The following ASTN2 variants were observed in gnomAD, a reference collection of about 807,000 sequenced individuals.
ASTN2 encodes the protein astrotactin 2.
A neutral mutation model predicts 139.8 loss-of-function variants in ASTN2; 54 were observed. The observed-to-expected ratio is 0.39, with a 90% CI of 0.31 to 0.48. ASTN2 has a LOEUF of 0.48. Ranked by LOEUF, ASTN2 falls within the 20% of genes least tolerant of loss-of-function variation. The pLI, the probability that ASTN2 is intolerant of heterozygous loss-of-function variation, is 0.95. For missense variants in ASTN2, 1,565 were observed against 1,725.1 expected (o/e 0.91, Z 1.64); for synonymous variants, 756 against 719.5 (o/e 1.05, Z -0.81).
chr9:117,274,279 G>A (rs1834133484), intron 2 of ASTN2, among the ~76,000 whole-genome samples: 1 of 152,198 alleles, frequency 6.6e-6, no homozygotes, highest in Admixed American at 6.5e-5. Flanking sequence ...GACTCTGGGA[G>A]GTAGAGGTTG....
chr9:116,637,521 C>T (rs544078898), intron 17 of ASTN2, among the ~76,000 whole-genome samples: 1 of 152,320 alleles, frequency 6.6e-6, no homozygotes, highest in South Asian at 2.1e-4. Context: ...AAACCCTCAT[C>T]TCTCGCTTTC....
rs1205590277 is a variant in ASTN2 at position 117,117,980 on chromosome 9, A to T, written c.1169-21829T>A. ...TTTTGAAAATCACCGTTATATTAAA[A>T]AAATAAATAAATAAATCCTGACCTC... is the stretch of plus-strand genomic sequence containing the variant. On this transcript the variant is annotated intron_variant, in intron 4 of 22. Transcript: ENST00000313400. Among the ~76,000 whole-genome samples the T allele has an allele frequency of 2.6e-5, 4 of 152,150 alleles. No homozygotes were observed. The South Asian group carries it at 6.2e-4, about 24-fold the overall frequency.
rs374875189 is a variant in ASTN2 at position 117,341,850 on chromosome 9, C to A, written c.443-50337G>T. On this transcript the variant is annotated intron_variant, in intron 1 of 22. Coordinates refer to ENST00000313400, the MANE Select transcript of ASTN2 (RefSeq NM_001365068.1). ...CTTGTTTCTGCAAAATACCAGCACA[C>A]ACTGTGTGCCATATACACTCAATTC... Among the ~76,000 whole-genome samples the A allele has an allele frequency of 3.3e-5, 5 of 152,266 alleles. No homozygotes were observed. The East Asian group carries it at 7.7e-4, about 24-fold the overall frequency.
intron 22 of ASTN2, among the ~76,000 whole-genome samples, chr9:116,427,559 C>A (rs1218058593): frequency 6.6e-6 from 1 of 152,250 alleles, no homozygotes; most frequent in Admixed American, 6.5e-5. Flanking sequence ...GTTCTCTCTC[C>A]TGCTGTCCTC....
intron 5 of ASTN2, among the ~76,000 whole-genome samples, chr9:117,049,455 G>A (rs537751197): frequency 2.0e-5 from 3 of 152,196 alleles, no homozygotes; most frequent in South Asian, 2.1e-4. Context: ...AACAAGGTAC[G>A]GAAAAAACGA....
intron 4 of ASTN2, among the ~76,000 whole-genome samples, chr9:117,111,388 A>G (rs1215110014): frequency 6.6e-6 from 1 of 152,152 alleles, no homozygotes; most frequent in Non-Finnish European, 1.5e-5. Flanking sequence ...AACTATATCT[A>G]CAAATATATG....
At chr9:116,519,591 C>T (rs1850785831) in intron 19 of ASTN2, among the ~76,000 whole-genome samples, 2 of 151,944 alleles carry the variant, frequency 1.3e-5, no homozygotes, top group South Asian at 2.1e-4. Context: ...AAGACCACAC[C>T]TCATGGAACT....
chr9:116,803,810 C>T (rs1219290777), intron 13 of ASTN2, among the ~76,000 whole-genome samples: 1 of 151,224 alleles, frequency 6.6e-6, no homozygotes, highest in African/African-American at 2.4e-5. Context: ...AGGTGTGAGC[C>T]ACCACACCCA....
intron 3 of ASTN2, among the ~76,000 whole-genome samples, chr9:117,161,229 A>G (rs1239687620): frequency 6.6e-6 from 1 of 151,962 alleles, no homozygotes; most frequent in East Asian, 1.9e-4. Flanking sequence ...GCATTCTCTT[A>G]CCATGTTGTT....
chr9:117,374,886 C>T (rs768765041), intron 1 of ASTN2, among the ~76,000 whole-genome samples: 1 of 152,198 alleles, frequency 6.6e-6, no homozygotes, highest in Non-Finnish European at 1.5e-5. Context: ...AAACCGAATA[C>T]TGTCAACCCA....
intron 10 of ASTN2, among the ~76,000 whole-genome samples, chr9:116,940,123 T>C (rs2132467344): frequency 6.6e-6 from 1 of 152,364 alleles, no homozygotes; most frequent in Admixed American, 6.5e-5. Flanking sequence ...ATTTTTATTA[T>C]TTTGTAGAGA....
At chr9:117,144,990 T>A (rs867466119) in intron 3 of ASTN2, among the ~76,000 whole-genome samples, 35 of 151,842 alleles carry the variant, frequency 2.3e-4, no homozygotes, top group Non-Finnish European at 4.6e-4. Flanking sequence ...GCTCTTTTTT[T>A]TTAAAAACTT....
chr9:116,552,026 T>TACATAC (rs1418352296), intron 19 of ASTN2: 2 of 152,060 alleles, frequency 1.3e-5, no homozygotes, highest in Admixed American at 6.5e-5. Flanking sequence ...CATATACATA[T>TACATAC]ACATACACAT....
intron 6 of ASTN2, among the ~76,000 whole-genome samples, chr9:117,039,567 G>A (rs1407827646): frequency 1.2e-4 from 18 of 151,628 alleles, no homozygotes; most frequent in Admixed American, 1.2e-3. Flanking sequence ...TGCATGTTCA[G>A]CACATGTATC....
chr9:117,311,229 GAAA>G (rs67365219), intron 1 of ASTN2, among the ~76,000 whole-genome samples: 45,875 of 140,998 alleles, frequency 0.33, 7,759 homozygotes, highest in East Asian at 0.45. Flanking sequence ...TAGGCTTACA[GAAA>G]AAAAAAAAAA....
chr9:116,494,763 C>T (rs1002051270), intron 19 of ASTN2, among the ~76,000 whole-genome samples: 5 of 152,144 alleles, frequency 3.3e-5, no homozygotes, highest in African/African-American at 1.2e-4. Flanking sequence ...AAATAACTTT[C>T]TCACAAAAAT....
chr9:116,598,694 T>C (rs559982032), intron 19 of ASTN2, among the ~76,000 whole-genome samples: 6 of 152,314 alleles, frequency 3.9e-5, no homozygotes, highest in Admixed American at 6.5e-5. Flanking sequence ...TAACATGGCA[T>C]CTCTACTTTA....
At chr9:117,356,891 T>C (rs991732113) in intron 1 of ASTN2, among the ~76,000 whole-genome samples, 5 of 151,816 alleles carry the variant, frequency 3.3e-5, no homozygotes, top group African/African-American at 1.2e-4. Context: ...GGTGAAACCC[T>C]GTCTCTACTA....
intron 1 of ASTN2, among the ~76,000 whole-genome samples, chr9:117,398,231 T>C (rs1240734759): frequency 6.6e-6 from 1 of 152,188 alleles, no homozygotes; most frequent in Non-Finnish European, 1.5e-5. Flanking sequence ...ATGTTAATTA[T>C]AAGACGGACA....
Sources: allele counts gnomAD v4.1 joint callset (sites outside exome capture counted in the v4.1 genomes callset), GRCh38; gene constraint gnomAD v4.1.1; transcripts MANE v1.5; gene names NCBI Gene and HGNC (gene_info 2026-07-23, HGNC 2026-07-21).